CWF19L1: variants seen among roughly 807,000 people sequenced by gnomAD.
CWF19L1 encodes CWF19-like protein 1.
A neutral mutation model predicts 69.7 loss-of-function variants in CWF19L1; 60 were observed. The ratio of observed to expected loss-of-function variants is 0.86; its 90% confidence interval spans 0.70 to 1.07. CWF19L1 has a LOEUF of 1.07. Ranked by LOEUF, CWF19L1 falls within the 50% of genes least tolerant of loss-of-function variation. The pLI, the probability that CWF19L1 is intolerant of heterozygous loss-of-function variation, is 0.00. For synonymous variants in CWF19L1, 209 were observed against 222.2 expected (o/e 0.94, Z 0.53); for missense variants, 591 against 638.9 (o/e 0.92, Z 0.81).
chr10:100,233,421 C>A (rs577230980), intron 13 of CWF19L1, 50 bp from the exon 14 acceptor site: 16 of 1,581,282 alleles, frequency 1.0e-5, no homozygotes, highest in Non-Finnish European at 1.4e-5. Flanking sequence ...AGCCTGAGCT[C>A]TCCTCAACAT....
intron 4 of CWF19L1, among the ~76,000 whole-genome samples, chr10:100,258,306 C>T (rs907369692): frequency 6.6e-6 from 1 of 152,194 alleles, no homozygotes; most frequent in Non-Finnish European, 1.5e-5. Context: ...TTCAAGCTCA[C>T]TATCACATGT....
chr10:100,236,058 C>G (rs974350024), intron 12 of CWF19L1, among the ~76,000 whole-genome samples: 4 of 150,602 alleles, frequency 2.7e-5, no homozygotes, highest in African/African-American at 9.8e-5. Context: ...CATCTCCAGT[C>G]TAGTCAATAC....
chr10:100,257,094 C>T (rs1296005907), intron 4 of CWF19L1, among the ~76,000 whole-genome samples: 1 of 152,146 alleles, frequency 6.6e-6, no homozygotes, highest in Non-Finnish European at 1.5e-5. Context: ...GTTTCCATTC[C>T]CTCCTGTTGC....
chr10:100,235,528 T>A (rs12771909), intron 13 of CWF19L1, 139 bp downstream of exon 13: 34,653 of 597,210 alleles, frequency 0.058, 1,351 homozygotes, highest in African/African-American at 0.14. Context: ...GTCATATATG[T>A]AAACATCTGC....
intron 13 of CWF19L1, among the ~76,000 whole-genome samples, chr10:100,235,381 G>A (rs1038417359): frequency 6.6e-6 from 1 of 152,130 alleles, no homozygotes; most frequent in Admixed American, 6.6e-5. Context: ...CTCTAAATAT[G>A]CCTCTCAGGT....
intron 7 of CWF19L1, 74 bp downstream of exon 7, chr10:100,250,174 C>T: frequency 9.6e-7 from 1 of 1,041,508 alleles, no homozygotes. Flanking sequence ...GATCTGAATG[C>T]TAAACTGGAC....
intron 7 of CWF19L1, chr10:100,248,193 A>G: frequency 1.5e-6 from 1 of 672,018 alleles, no homozygotes; most frequent in Non-Finnish European, 2.6e-6. Flanking sequence ...AAAAGCTGAA[A>G]ATAGGCTGGG....
intron 1 of CWF19L1, among the ~76,000 whole-genome samples, chr10:100,266,191 T>C (rs1847576640): frequency 2.3e-5 from 1 of 43,854 alleles, no homozygotes; most frequent in African/African-American, 8.6e-5. Context: ...CTATTGCAAT[T>C]TTTTTTTTTT....
Position 100,236,785 on chromosome 10 carries a change from C to G in CWF19L1, c.1374+65G>C, listed in dbSNP as rs476606. ...ACTCTGTCTCAAACAAACAAACAAA[C>G]AACAAACAACAACAAAAAAAACAGA... On this transcript the variant is annotated intron_variant, in intron 12 of 13. Coordinates refer to ENST00000354105, the MANE Select transcript of CWF19L1 (RefSeq NM_018294.6). 6.1e-3 allele frequency: 9,268 copies of G among 1,520,528 alleles called. 73 individuals are homozygous for G. The highest frequency in any genetic ancestry group is 0.021 in the South Asian group (1,573 of 76,624). 94.2% of individuals were successfully genotyped at this position (1,520,528 alleles called of 1,614,324 possible).
At chr10:100,247,548 G>A (rs2134293763) in intron 7 of CWF19L1, among the ~76,000 whole-genome samples, 1 of 152,304 alleles carries the variant, frequency 6.6e-6, no homozygotes, top group African/African-American at 2.4e-5. Context: ...TTAGGGAAAT[G>A]CAACTAAGTA....
At position 100,253,530 on chromosome 10, in the gene CWF19L1, C is replaced by G. The variant is rs1847111286; in HGVS notation, c.514G>C (p.Asp172His). 2 of 1,608,490 alleles carry G rather than the reference C, an allele frequency of 1.2e-6. No individual in the cohort carries two copies. Among genetic ancestry groups the G allele is most frequent in the African/African-American group, 2.7e-5 (2 of 74,768 alleles). ...AAAGCAGAACCACATTTTTTGGTAT[C>G]CACTTCTCCCTAGTAAACAAAAACT... ...GNFGNSSGEV[D>H]TKKCGSALVS... The change falls in exon 6 of 14, where the codon GAT becomes CAT. Residue 172 changes from aspartate to histidine, a missense_variant. This residue lies in a region of CWF19L1 where 458 missense variants were observed against 489.3 expected (regional missense o/e 0.94). Coordinates refer to ENST00000354105, the MANE Select transcript of CWF19L1 (RefSeq NM_018294.6).
intron 3 of CWF19L1, 57 bp downstream of exon 3, chr10:100,260,909 C>T (rs902612678): frequency 2.0e-5 from 22 of 1,077,128 alleles, no homozygotes; most frequent in Non-Finnish European, 2.9e-5. Flanking sequence ...TCTGCAAGAA[C>T]TCTGGCCCTT....
chr10:100,263,072 A>C (rs913213667), intron 1 of CWF19L1, among the ~76,000 whole-genome samples: 1 of 152,174 alleles, frequency 6.6e-6, no homozygotes, highest in East Asian at 1.9e-4. Context: ...TCAGACAAAA[A>C]TACAATGCAT....
At chr10:100,267,011 T>C (rs1042199254) in intron 1 of CWF19L1, among the ~76,000 whole-genome samples, 2 of 151,932 alleles carry the variant, frequency 1.3e-5, no homozygotes, top group African/African-American at 2.4e-5. Flanking sequence ...CCTGTTCCTC[T>C]AGACTCTACG....
In CWF19L1 at chr10:100,238,178, C is replaced by T; in HGVS notation, c.1098G>A (p.Leu366=). Residue 366 remains leucine, a synonymous_variant, in exon 11 of 14, where the codon CTG becomes CTA. Transcript: ENST00000354105. ...GGLSDDHVLI[L]PIGHYQSVVE... Reference sequence around the variant, plus strand: ...CCACTGACTGGTAGTGTCCAATAGGCAGGATGAGGACATGGTCATCAGATA... The same window carrying T: ...CCACTGACTGGTAGTGTCCAATAGGTAGGATGAGGACATGGTCATCAGATA... 1 of 1,614,118 alleles carries T rather than the reference C, an allele frequency of 6.2e-7. No individual in the cohort carries two copies. Among genetic ancestry groups the T allele is most frequent in the Non-Finnish European group, 8.5e-7 (1 of 1,180,028 alleles).
chr10:100,232,718 A>G lies in CWF19L1; in HGVS notation c.*509T>C, dbSNP rs370368522. ...GTGAGCCACTGCGCCCGGCCTTAAC[A>G]TAGGATTTTCATCCTAGAATGACTT... is the stretch of plus-strand genomic sequence containing the variant. On this transcript the variant is annotated 3_prime_UTR_variant, in exon 14 of 14. Transcript: ENST00000354105. 4 of 152,476 alleles carry G rather than the reference A, an allele frequency of 2.6e-5. No individual in the cohort carries two copies. The highest frequency in any genetic ancestry group is 3.9e-4 in the East Asian group (2 of 5,178). The allele number at this position is 152,476 out of a possible 1,614,324, so 9.4% of individuals were successfully genotyped here.
At chr10:100,250,199 T>C in intron 7 of CWF19L1, 49 bp downstream of exon 7, 4 of 1,205,130 alleles carry the variant, frequency 3.3e-6, no homozygotes, top group Non-Finnish European at 3.7e-6. Context: ...GATACATTTA[T>C]CAGGCAGACC....
rs769558430 is a variant in CWF19L1 at position 100,256,303 on chromosome 10, A to T, written c.463T>A (p.Ser155Thr). The change falls in exon 5 of 14, where the codon TCC becomes ACC. Residue 155 changes from serine (S) to threonine (T), a missense_variant. Around this residue, in one of 3 missense-constraint regions of CWF19L1, gnomAD observed 458 missense variants for 489.3 expected, o/e 0.94. Coordinates refer to ENST00000354105, the MANE Select transcript of CWF19L1 (RefSeq NM_018294.6). ...QFKGVDILLT[S>T]PWPKCVGNFG... ...TTCCCCACACACTTGGGCCATGGGG[A>T]TGTGAGCAAGATATCAACACCCTTA... 2 of 1,614,180 alleles carry T rather than the reference A, an allele frequency of 1.2e-6. No individual in the cohort carries two copies. The highest frequency in any genetic ancestry group is 2.7e-5 in the African/African-American group (2 of 75,046).
chr10:100,266,726 G>A (rs902409758), intron 1 of CWF19L1, among the ~76,000 whole-genome samples: 2 of 143,990 alleles, frequency 1.4e-5, no homozygotes, highest in Admixed American at 6.8e-5. Flanking sequence ...CACCACGTTG[G>A]CCAGGCTGGT....
Sources: gnomAD v4.1 joint callset for allele counts (sites outside exome capture counted in the v4.1 genomes callset) on GRCh38, gnomAD v4.1.1 for gene constraint, gnomAD v4.1.1 regional missense constraint, MANE v1.5 for transcripts, NCBI Gene and HGNC (gene_info 2026-07-23, HGNC 2026-07-21) for gene names.